ATG7: variants seen among roughly 807,000 people sequenced by gnomAD.
ATG7 encodes the protein ubiquitin-like modifier-activating enzyme ATG7.
In ATG7, 70 loss-of-function variants were observed where a neutral mutation model predicts 82.4. The observed-to-expected ratio is 0.85, with a 90% CI of 0.70 to 1.04. ATG7 has a LOEUF of 1.04. ATG7 is among the 50% of genes least tolerant of loss of function. The pLI is 0.00. For missense variants in ATG7, 792 were observed against 864.3 expected, an observed-to-expected ratio of 0.92 and a Z score of 1.05; for synonymous variants, 287 against 313.0, an observed-to-expected ratio of 0.92 and a Z score of 0.88.
At chr3:11,285,676 G>C (rs933648193) in intron 3 of ATG7, among the ~76,000 whole-genome samples, 1 of 152,086 alleles carries the variant, frequency 6.6e-6, no homozygotes, top group African/African-American at 2.4e-5. Context: ...TCTAACTTCT[G>C]TCAGGTTGAT....
intron 9 of ATG7, 35 bp downstream of exon 9, chr3:11,315,528 G>C: frequency 6.7e-7 from 1 of 1,500,542 alleles, no homozygotes; most frequent in Non-Finnish European, 8.9e-7. Context: ...TTATTATATA[G>C]TTTTTTAAAA....
intron 20 of ATG7, among the ~76,000 whole-genome samples, chr3:11,536,764 G>A (rs1201202561): frequency 6.6e-6 from 1 of 152,162 alleles, no homozygotes; most frequent in Non-Finnish European, 1.5e-5. Context: ...CTACGATTCT[G>A]GGTCCAGCTC....
intron 3 of ATG7, among the ~76,000 whole-genome samples, chr3:11,287,172 A>T (rs1944225958): frequency 6.6e-6 from 1 of 152,214 alleles, no homozygotes; most frequent in Admixed American, 6.5e-5. Flanking sequence ...TAGAGTTTAC[A>T]ATCAAGTTTG....
intron 19 of ATG7, among the ~76,000 whole-genome samples, chr3:11,411,292 G>C (rs2080867623): frequency 6.6e-6 from 1 of 152,062 alleles, no homozygotes; most frequent in Non-Finnish European, 1.5e-5. Flanking sequence ...TTGGTTGTTT[G>C]TTGTTGAGTT....
chr3:11,285,420 C>G (rs993763253), intron 3 of ATG7, among the ~76,000 whole-genome samples: 25 of 151,404 alleles, frequency 1.7e-4, no homozygotes, highest in African/African-American at 6.1e-4. Flanking sequence ...AAGCAGTCCT[C>G]CTTCAGCCTC....
In ATG7 at chr3:11,364,688, A is replaced by G; in HGVS notation, c.1829A>G (p.Asp610Gly). The G allele has an allele frequency of 6.2e-7, 1 of 1,614,178 alleles. No individual in the cohort carries two copies. The highest frequency in any genetic ancestry group is 1.3e-5 in the African/African-American group (1 of 75,034). The change falls in exon 18 of 21, where the codon GAT (aspartate) becomes GGT (glycine). Residue 610 changes from aspartate to glycine, a missense_variant. Physicochemically the swap from Asp to Gly is moderately conservative, Grantham distance 94. Transcript: ENST00000693202. ...TATGCCATTGCCAGCAGCAGTGACGATCGGATGAATGAGCCTCCAACCTCT... is the reference window on the plus strand; with the variant it reads ...TATGCCATTGCCAGCAGCAGTGACGGTCGGATGAATGAGCCTCCAACCTCT... ...GGYAIASSSD[D>G]RMNEPPTSLG... is the part of the protein sequence containing the mutation.
intron 19 of ATG7, among the ~76,000 whole-genome samples, chr3:11,389,437 C>CTT (rs34261811): frequency 0.02 from 2,385 of 118,844 alleles, 72 homozygotes; most frequent in African/African-American, 0.054. Flanking sequence ...TTTGTTAGTG[C>CTT]TTTTTTTTTT....
At chr3:11,521,827 C>G (rs773168238) in intron 20 of ATG7, among the ~76,000 whole-genome samples, 1 of 152,146 alleles carries the variant, frequency 6.6e-6, no homozygotes, top group Non-Finnish European at 1.5e-5. Context: ...GCTGGGATTA[C>G]AGGTGTGAGC....
At chr3:11,477,271 A>G in intron 20 of ATG7, 1 of 1,237,624 alleles carries the variant, frequency 8.1e-7, no homozygotes, top group Non-Finnish European at 1.0e-6. Context: ...TCCATAAGGT[A>G]GATGAACAAT....
intron 20 of ATG7, among the ~76,000 whole-genome samples, chr3:11,487,039 A>C (rs1043412010): frequency 6.6e-6 from 1 of 151,408 alleles, no homozygotes; most frequent in African/African-American, 2.4e-5. Flanking sequence ...GATGACTCTT[A>C]ACGAGCATGC....
intron 20 of ATG7, among the ~76,000 whole-genome samples, chr3:11,495,309 G>C (rs1337106089): frequency 6.6e-6 from 1 of 152,142 alleles, no homozygotes. Flanking sequence ...AATGGAGATT[G>C]GGGCTTCCTG....
chr3:11,558,325 TAGAC>T (rs1483193356), downstream of ATG7: 1 of 676,730 alleles, frequency 1.5e-6, no homozygotes, highest in East Asian at 2.8e-5. Context: ...GATGCTACAT[TAGAC>T]AGATGTTCCA....
intron 5 of ATG7, among the ~76,000 whole-genome samples, chr3:11,303,268 G>C (rs1345744152): frequency 6.6e-6 from 1 of 152,196 alleles, no homozygotes; most frequent in East Asian, 1.9e-4. Flanking sequence ...AGAAGACTGG[G>C]AAGCGTGGAA....
Position 11,484,764 on chromosome 3 carries a change from A to C in ATG7, c.2079+57838A>C, listed in dbSNP as rs569378538. Among the ~76,000 whole-genome samples, 143 of 152,186 alleles carry C rather than the reference A, an allele frequency of 9.4e-4. 1 individual carries two copies. Among genetic ancestry groups the C allele is most frequent in the African/African-American group, 3.2e-3 (132 of 41,510 alleles). On this transcript the variant is annotated intron_variant, in intron 20 of 20. Transcript: ENST00000693202. ...TGTGTCCATGTGTTGTCATTGTTCA[A>C]TTCCCACCTATGAGTGAGAATATGC...
At chr3:11,285,322 G>A in intron 3 of ATG7, among the ~76,000 whole-genome samples, 1 of 151,530 alleles carries the variant, frequency 6.6e-6, no homozygotes, top group East Asian at 1.9e-4. Context: ...AAGTAGCTGG[G>A]ACTACAGGTG....
intron 12 of ATG7, among the ~76,000 whole-genome samples, chr3:11,341,082 C>A (rs1177617103): frequency 1.3e-5 from 2 of 151,898 alleles, no homozygotes; most frequent in African/African-American, 4.8e-5. Context: ...CCACCCCGCC[C>A]CAGACAGAGT....
chr3:11,394,735 C>T (rs976916552), intron 19 of ATG7, among the ~76,000 whole-genome samples: 6 of 152,268 alleles, frequency 3.9e-5, no homozygotes, highest in Middle Eastern at 3.4e-3. Context: ...GCCCGGAAAC[C>T]GTAAGGCTTC....
chr3:11,557,701 A>ATAAT (rs879586113), downstream of ATG7: 33 of 152,952 alleles, frequency 2.2e-4, no homozygotes, highest in South Asian at 1.2e-3. Flanking sequence ...TACTGTCTAT[A>ATAAT]TAATTAATAG....
At chr3:11,385,647 A>G (rs2078267601) in intron 19 of ATG7, among the ~76,000 whole-genome samples, 1 of 152,184 alleles carries the variant, frequency 6.6e-6, no homozygotes, top group South Asian at 2.1e-4. Flanking sequence ...CCCAATACCA[A>G]TTAATTTTGT....
Sources: gnomAD v4.1 joint callset for allele counts (sites outside exome capture counted in the v4.1 genomes callset) on GRCh38, gnomAD v4.1.1 for gene constraint, MANE v1.5 for transcripts, NCBI Gene and HGNC (gene_info 2026-07-23, HGNC 2026-07-21) for gene names.